The following ASH1L variants were observed in gnomAD, a reference collection of about 807,000 sequenced individuals.
ASH1L encodes histone-lysine N-methyltransferase ASH1L.
Under a neutral mutation model 269.0 loss-of-function variants are expected in ASH1L, and 23 were observed. That is an observed-to-expected ratio of 0.09 (90% CI 0.06 to 0.12). The LOEUF (loss-of-function observed/expected upper bound fraction) is 0.12. Among genes scored for constraint, ASH1L ranks in the 10% least tolerant of loss-of-function variants. The pLI, the probability that ASH1L is intolerant of heterozygous loss-of-function variation, is 1.00. For synonymous variants in ASH1L, 1,187 were observed against 1,253.5 expected (o/e 0.95, Z 1.12); for missense variants, 2,912 against 3,567.8 (o/e 0.82, Z 4.68).
intron 7 of ASH1L, among the ~76,000 whole-genome samples, chr1:155,392,580 C>T (rs1211110533): frequency 2.6e-5 from 4 of 152,194 alleles, no homozygotes; most frequent in Admixed American, 6.5e-5. Context: ...CCTCTGCCTC[C>T]CAGGTTCAAG....
chr1:155,516,693 C>A (rs952954571), intron 2 of ASH1L, among the ~76,000 whole-genome samples: 1 of 151,876 alleles, frequency 6.6e-6, no homozygotes, highest in African/African-American at 2.4e-5. Flanking sequence ...TGCTTGAGTC[C>A]AGGAGTTTGG....
chr1:155,436,772 G>C (rs571750310), intron 5 of ASH1L, among the ~76,000 whole-genome samples: 5 of 152,246 alleles, frequency 3.3e-5, no homozygotes, highest in African/African-American at 9.6e-5. Flanking sequence ...TAGAATTACA[G>C]GCGTGAGCCA....
chr1:155,418,430 A>G (rs1660389276), intron 5 of ASH1L, among the ~76,000 whole-genome samples: 1 of 152,110 alleles, frequency 6.6e-6, no homozygotes, highest in Admixed American at 6.6e-5. Flanking sequence ...GAAGACAGCA[A>G]TAGAAACAAC....
At chr1:155,357,513 C>T (rs1654524199) in intron 14 of ASH1L, 72 bp downstream of exon 14, 1 of 1,599,786 alleles carries the variant, frequency 6.3e-7, no homozygotes, top group Non-Finnish European at 8.6e-7. Context: ...TCTGGTAATT[C>T]CCTTATTCCA....
At chr1:155,397,136 A>G (rs1174957196) in intron 6 of ASH1L, among the ~76,000 whole-genome samples, 1 of 151,340 alleles carries the variant, frequency 6.6e-6, no homozygotes, top group Non-Finnish European at 1.5e-5. Context: ...AAAAAAGAAA[A>G]AAAAAAAAAA....
chr1:155,416,959 A>T (rs6665939), intron 5 of ASH1L, among the ~76,000 whole-genome samples: 8,106 of 119,140 alleles, frequency 0.068, 768 homozygotes, highest in African/African-American at 0.24. Context: ...TGAGACGGAG[A>T]CTTGCTCTGT....
intron 6 of ASH1L, among the ~76,000 whole-genome samples, chr1:155,397,949 A>G (rs1293366113): frequency 6.6e-6 from 1 of 152,202 alleles, no homozygotes; most frequent in African/African-American, 2.4e-5. Context: ...TACTCTCATA[A>G]TTTATTATGA....
chr1:155,487,442 A>G (rs979054266), intron 2 of ASH1L, among the ~76,000 whole-genome samples: 5 of 151,960 alleles, frequency 3.3e-5, no homozygotes, highest in Non-Finnish European at 5.9e-5. Flanking sequence ...CAGTGACCTG[A>G]TTCTAACTTT....
At chr1:155,337,976 T>C in intron 27 of ASH1L, 113 bp downstream of exon 27, 1 of 1,198,304 alleles carries the variant, frequency 8.3e-7, no homozygotes, top group Non-Finnish European at 1.2e-6. Context: ...ATAAAAGAAC[T>C]ATACCATTTT....
chr1:155,339,779 C>A (rs1048208067), intron 25 of ASH1L, among the ~76,000 whole-genome samples: 1 of 152,148 alleles, frequency 6.6e-6, no homozygotes, highest in Non-Finnish European at 1.5e-5. Flanking sequence ...TCCTAGGCTA[C>A]AAGCCTATAT....
At chr1:155,510,547 T>C (rs1301089031) in intron 2 of ASH1L, among the ~76,000 whole-genome samples, 1 of 152,010 alleles carries the variant, frequency 6.6e-6, no homozygotes. Flanking sequence ...GTAGGTACAG[T>C]GTGCTACTAT....
intron 7 of ASH1L, among the ~76,000 whole-genome samples, chr1:155,380,786 A>G (rs1656869297): frequency 6.7e-6 from 1 of 149,304 alleles, no homozygotes; most frequent in South Asian, 2.1e-4. Context: ...ATGTGCTACC[A>G]CACCCAGCTA....
chr1:155,545,631 A>G (rs1670757312), intron 1 of ASH1L, among the ~76,000 whole-genome samples: 1 of 151,886 alleles, frequency 6.6e-6, no homozygotes, highest in African/African-American at 2.4e-5. Context: ...GAAGGAAAAA[A>G]AAAAAGGAAA....
chr1:155,504,467 G>A (rs1667694815), intron 2 of ASH1L, among the ~76,000 whole-genome samples: 1 of 152,092 alleles, frequency 6.6e-6, no homozygotes, highest in Admixed American at 6.5e-5. Context: ...ATATTATATA[G>A]CTTGACTTTC....
chr1:155,527,248 C>T (rs1669325093), intron 1 of ASH1L, among the ~76,000 whole-genome samples: 2 of 152,056 alleles, frequency 1.3e-5, no homozygotes, highest in African/African-American at 2.4e-5. Flanking sequence ...ACTCCACATC[C>T]TCCACCATCT....
intron 12 of ASH1L, among the ~76,000 whole-genome samples, chr1:155,365,046 G>A (rs1655286655): frequency 6.6e-6 from 1 of 150,874 alleles, no homozygotes; most frequent in South Asian, 2.1e-4. Flanking sequence ...TCTTTCTTGT[G>A]TTCTTTCTTG....
chr1:155,388,258 C>G (rs7541017), intron 7 of ASH1L, among the ~76,000 whole-genome samples: 7,168 of 152,204 alleles, frequency 0.047, 586 homozygotes, highest in African/African-American at 0.17. Context: ...ACTGCTGCCA[C>G]TCACCAATGA....
At chr1:155,510,212 G>C (rs1205955534) in intron 2 of ASH1L, among the ~76,000 whole-genome samples, 1 of 151,734 alleles carries the variant, frequency 6.6e-6, no homozygotes, top group Non-Finnish European at 1.5e-5. Context: ...TCAGGAGTTC[G>C]AGACCAGCCT....
At chr1:155,361,630 C>A (rs975172989) in intron 12 of ASH1L, among the ~76,000 whole-genome samples, 1 of 150,828 alleles carries the variant, frequency 6.6e-6, no homozygotes, top group Non-Finnish European at 1.5e-5. Context: ...ACCCGGGAGG[C>A]GGAGGTTGCG....
Sources: allele counts gnomAD v4.1 joint callset (sites outside exome capture counted in the v4.1 genomes callset), GRCh38; gene constraint gnomAD v4.1.1; transcripts MANE v1.5; gene names NCBI Gene and HGNC (gene_info 2026-07-23, HGNC 2026-07-21).